Variants in NODAL observed in about 807,000 individuals in gnomAD.
NODAL encodes the protein nodal homolog.
Under a neutral mutation model 34.0 loss-of-function variants are expected in NODAL, and 12 were observed. The ratio of observed to expected loss-of-function variants is 0.35; its 90% CI spans 0.23 to 0.57. The LOEUF is 0.57. Among genes scored for constraint, NODAL ranks in the 20% least tolerant of loss-of-function variants. NODAL has a pLI of 0.83. For synonymous variants in NODAL, 162 were observed against 186.4 expected (o/e 0.87, Z 1.07); for missense variants, 390 against 444.2 (o/e 0.88, Z 1.10).
chr10:70,440,880 C>T (rs1354118396), intron 1 of NODAL, among the ~76,000 whole-genome samples: 2 of 152,202 alleles, frequency 1.3e-5, no homozygotes, highest in African/African-American at 4.8e-5. Flanking sequence ...CCCGATGTTA[C>T]CAGCTCAGCT....
chr10:70,435,686 T>G lies in NODAL; in HGVS notation c.491A>C (p.Lys164Thr). ...CTGCTTCTCCAGGGCCCCAGGGTGC[T>G]TCAGCCACTTGGAGAGAGGCCTGGT... is the stretch of plus-strand genomic sequence containing the variant. Reference protein sequence around the residue: ...EVTRPLSKWLKHPGALEKQMS... With the variant: ...EVTRPLSKWLTHPGALEKQMS... The change falls in exon 2 of 3, where the codon AAG becomes ACG. Residue 164 changes from lysine (K) to threonine (T), a missense_variant. By Grantham distance (78) the Lys-to-Thr change is moderately conservative. Coordinates refer to ENST00000287139, the MANE Select transcript of NODAL (RefSeq NM_018055.5). 6.2e-7 allele frequency: 1 copy of G among 1,614,126 alleles called. No individual in the cohort carries two copies. The highest frequency in any genetic ancestry group is 1.1e-5 in the South Asian group (1 of 91,084).
rs778079060 is a variant in NODAL, at chr10:70,432,603, A to C, written c.*333T>G. ...CACATATGTCTCAACTTTCACATAC[A>C]GTTTCGGGGGGTTCACAGGTTTTTA... On this transcript the variant is annotated 3_prime_UTR_variant, in exon 3 of 3. Coordinates refer to ENST00000287139, the MANE Select transcript of NODAL (RefSeq NM_018055.5). 7.9e-6 allele frequency: 3 copies of C among 379,130 alleles called. No homozygotes were observed. The highest frequency in any genetic ancestry group is 1.0e-5 in the Non-Finnish European group (2 of 198,020). The allele number at this position is 379,130 out of a possible 1,614,324, so 23.5% of individuals were successfully genotyped here.
At position 70,432,980 on chromosome 10, in the gene NODAL, C is replaced by A; in HGVS notation, c.1000G>T (p.Asp334Tyr). 6.2e-7 allele frequency: 1 copy of A among 1,614,132 alleles called. No homozygotes were observed. Among genetic ancestry groups the A allele is most frequent in the South Asian group, 1.1e-5 (1 of 91,076 alleles). The change falls in exon 3 of 3, where the codon GAT (aspartate) becomes TAT (tyrosine). Residue 334 changes from aspartate (D) to tyrosine (Y), a missense_variant. By Grantham distance (160) the Asp-to-Tyr change is radical (BLOSUM62 -3). Coordinates refer to ENST00000287139, the MANE Select transcript of NODAL (RefSeq NM_018055.5). Reference protein sequence around the residue: ...LYVDNGRVLLDHHKDMIVEEC... With the variant: ...LYVDNGRVLLYHHKDMIVEEC... ...TCCACGATCATGTCTTTATGGTGAT[C>A]TAGGAGCACTCTGCCATTATCCACA... is the stretch of plus-strand genomic sequence containing the variant.
intron 1 of NODAL, among the ~76,000 whole-genome samples, chr10:70,439,768 C>A (rs1206494562): frequency 2.6e-5 from 4 of 152,230 alleles, no homozygotes; most frequent in Non-Finnish European, 5.9e-5. Context: ...GTGCCACATG[C>A]CGCTGTACAC....
chr10:70,441,742 C>T (rs1845434990), upstream of NODAL: 1 of 1,456,212 alleles, frequency 6.9e-7, no homozygotes, highest in East Asian at 2.5e-5. Flanking sequence ...CCGCCCCCAC[C>T]TTTCCTCCCT....
upstream of NODAL, among the ~76,000 whole-genome samples, chr10:70,446,574 T>A (rs1361093467): frequency 6.6e-6 from 1 of 152,198 alleles, no homozygotes; most frequent in Non-Finnish European, 1.5e-5. Flanking sequence ...CCTGCTTGTC[T>A]AGTGAGTCTC....
At chr10:70,441,422 G>A (rs941193961) in intron 1 of NODAL, 53 bp downstream of exon 1, 3 of 1,529,758 alleles carry the variant, frequency 2.0e-6, no homozygotes, top group Non-Finnish European at 2.6e-6. Flanking sequence ...GGCTGGACGC[G>A]GCGGAGGCGC....
upstream of NODAL, among the ~76,000 whole-genome samples, chr10:70,443,939 T>TTC (rs1683444339): frequency 6.6e-6 from 1 of 151,610 alleles, no homozygotes; most frequent in African/African-American, 2.4e-5. Flanking sequence ...TCCCCTTTTT[T>TTC]TTTTTTTTTT....
intron 2 of NODAL, 34 bp downstream of exon 2, chr10:70,435,252 C>T: frequency 1.9e-6 from 3 of 1,562,166 alleles, no homozygotes; most frequent in Non-Finnish European, 2.6e-6. Context: ...GGCCAGCTTA[C>T]TGCCTCCCCT....
upstream of NODAL, among the ~76,000 whole-genome samples, chr10:70,446,200 G>T (rs1267660785): frequency 6.6e-6 from 1 of 152,176 alleles, no homozygotes; most frequent in Non-Finnish European, 1.5e-5. Flanking sequence ...CCTGACCTGG[G>T]AGATAACCTT....
At chr10:70,437,497 C>A (rs1309920856) in intron 1 of NODAL, among the ~76,000 whole-genome samples, 1 of 152,180 alleles carries the variant, frequency 6.6e-6, no homozygotes, top group Non-Finnish European at 1.5e-5. Context: ...GTTTCCTCTT[C>A]TTTGCGATGG....
rs1172282007 is a variant in NODAL at position 70,435,838 on chromosome 10, A to G, written c.339T>C (p.Ile113=). The G allele has an allele frequency of 1.2e-6, 2 of 1,614,138 alleles. No homozygotes were observed. Among genetic ancestry groups the G allele is most frequent in the Admixed American group, 1.7e-5 (1 of 60,024 alleles). The change falls in exon 2 of 3, where the codon ATT becomes ATC. Residue 113 remains isoleucine, a synonymous_variant. Transcript: ENST00000287139. The stretch of plus-strand genomic sequence containing the variant: ...CTGTGTCGGGCTTTGGCTGGTGGAA[A>G]ATCTCAATGGCAAGTGAGCCCTCAG... ...LPTEGSLAIE[I]FHQPKPDTEQ... is the part of the protein sequence containing the mutation.
chr10:70,441,696 C>A, upstream of NODAL: 1 of 1,547,188 alleles, frequency 6.5e-7, no homozygotes, highest in Middle Eastern at 2.2e-4. Flanking sequence ...GAAAGCAGCA[C>A]CTCCAGCCCT....
intron 1 of NODAL, among the ~76,000 whole-genome samples, chr10:70,439,068 G>A (rs568023960): frequency 5.3e-5 from 8 of 151,950 alleles, no homozygotes; most frequent in East Asian, 2.0e-4. Flanking sequence ...GCAGTGGTGC[G>A]ATCTCAGCTC....
chr10:70,447,929 G>T, exon 1 of NODAL: 1 of 471,102 alleles, frequency 2.1e-6, no homozygotes, highest in Non-Finnish European at 4.4e-6. Flanking sequence ...TCTACCTTTA[G>T]TCTGTATCCC....
At chr10:70,444,329 C>CTT (rs34924993), upstream of NODAL, among the ~76,000 whole-genome samples, 29 of 124,164 alleles carry the variant, frequency 2.3e-4, no homozygotes, top group East Asian at 6.6e-3. Context: ...TCCAGTGATA[C>CTT]TTTTTTTTTT....
upstream of NODAL, among the ~76,000 whole-genome samples, chr10:70,444,581 C>T (rs560262089): frequency 8.5e-5 from 13 of 152,168 alleles, no homozygotes; most frequent in South Asian, 2.5e-3. Flanking sequence ...GTGATCTGCC[C>T]GCCTTGGCCT....
At position 70,435,550 on chromosome 10, in the gene NODAL, C is replaced by T. The variant is rs766792401; in HGVS notation, c.627G>A (p.Gly209=). The part of the protein sequence containing the change: ...NLSQEQRQLG[G]STLLWEAESS... Reference sequence around the variant, plus strand: ...TCTCGGCTTCCCACAGCAAGGTGGACCCACCCAGCTGCCTCTGCTCCTGCG... The same window carrying T: ...TCTCGGCTTCCCACAGCAAGGTGGATCCACCCAGCTGCCTCTGCTCCTGCG... The change falls in exon 2 of 3, where the codon GGG becomes GGA. Residue 209 remains glycine (G), a synonymous_variant. Coordinates refer to ENST00000287139, the MANE Select transcript of NODAL (RefSeq NM_018055.5). The T allele has an allele frequency of 6.2e-7, 1 of 1,614,104 alleles. No homozygotes were observed. Among genetic ancestry groups the T allele is most frequent in the Non-Finnish European group, 8.5e-7 (1 of 1,180,032 alleles).
chr10:70,444,660 C>T (rs568015089), upstream of NODAL, among the ~76,000 whole-genome samples: 1 of 152,292 alleles, frequency 6.6e-6, no homozygotes, highest in African/African-American at 2.4e-5. Context: ...CTTTGGGACC[C>T]ACATGGGCTA....
Sources: allele counts gnomAD v4.1 joint callset (sites outside exome capture counted in the v4.1 genomes callset), GRCh38; gene constraint gnomAD v4.1.1; transcripts MANE v1.5; gene names NCBI Gene and HGNC (gene_info 2026-07-23, HGNC 2026-07-21).